Variants in MOGAT3 observed in about 807,000 individuals in gnomAD.
MOGAT3 encodes the protein 2-acylglycerol O-acyltransferase 3.
MOGAT3 carries 39 observed loss-of-function variants against 34.4 expected under a neutral mutation model. The ratio of observed to expected loss-of-function variants is 1.13; its 90% CI spans 0.88 to 1.48. The LOEUF (loss-of-function observed/expected upper bound fraction) is 1.48, where lower values mean the gene tolerates loss of function less well. Among genes scored for constraint, MOGAT3 ranks in the 40% most tolerant of loss-of-function variants. The pLI is 0.00. For missense variants in MOGAT3, 439 were observed against 438.9 expected (o/e 1.00, Z 0.00); for synonymous variants, 209 against 179.2 (o/e 1.17, Z -1.33).
intron 6 of MOGAT3, 25 bp from the exon 7 acceptor site, chr7:101,196,125 G>A: frequency 6.3e-7 from 1 of 1,590,402 alleles, no homozygotes; most frequent in Non-Finnish European, 8.6e-7. Context: ...AGACAGGTGG[G>A]CGAGGGATCC....
chr7:101,194,630 T>C (rs1451297761), downstream of MOGAT3, among the ~76,000 whole-genome samples: 1 of 150,538 alleles, frequency 6.6e-6, no homozygotes, highest in Non-Finnish European at 1.5e-5. Context: ...AACCTCTCAG[T>C]AGCTGGGACT....
chr7:101,198,067 G>A, intron 5 of MOGAT3, 124 bp downstream of exon 5: 2 of 1,118,384 alleles, frequency 1.8e-6, no homozygotes, highest in African/African-American at 1.6e-5. Context: ...GTGGGCCTCG[G>A]TGCAGGGCAG....
intron 3 of MOGAT3, 97 bp downstream of exon 3, chr7:101,200,137 G>C: frequency 1.0e-6 from 1 of 998,588 alleles, no homozygotes; most frequent in Non-Finnish European, 1.6e-6. Context: ...AGCTTAGGCA[G>C]CGGGGAGCTC....
chr7:101,198,378 G>A lies in MOGAT3; in HGVS notation c.494-13C>T, dbSNP rs1797857883. On this transcript the variant is annotated splice_polypyrimidine_tract_variant and intron_variant, in intron 4 of 6. Coordinates refer to ENST00000223114, the MANE Select transcript of MOGAT3 (RefSeq NM_178176.4). ...ACCGGACAGAGTCCTGTGGGCAGGAGGAGGTGGAAAGTAGTTCCCATCTGC... is the reference window on the plus strand; with the variant it reads ...ACCGGACAGAGTCCTGTGGGCAGGAAGAGGTGGAAAGTAGTTCCCATCTGC... 3 of 1,529,672 alleles carry A rather than the reference G, an allele frequency of 2.0e-6. No homozygotes were observed. The highest frequency in any genetic ancestry group is 2.6e-6 in the Non-Finnish European group (3 of 1,138,056). 94.8% of individuals were successfully genotyped at this position (1,529,672 alleles called of 1,614,324 possible). A position where few individuals can be genotyped will look rare whatever the true frequency, so the allele number is the denominator to read the frequency against.
At chr7:101,200,356 C>G (rs772583568) in intron 2 of MOGAT3, 52 bp from the exon 3 acceptor site, 3 of 1,606,974 alleles carry the variant, frequency 1.9e-6, no homozygotes, top group South Asian at 2.2e-5. Context: ...CCTCCCCTCA[C>G]CCCCCATGTC....
At chr7:101,196,504 T>C (rs958127096) in intron 5 of MOGAT3, 115 bp from the exon 6 acceptor site, 10 of 653,982 alleles carry the variant, frequency 1.5e-5, no homozygotes, top group Non-Finnish European at 2.1e-5. Flanking sequence ...CCCAGGGTCA[T>C]TCAAAGCACA....
Position 101,195,815 on chromosome 7 carries a change from A to T in MOGAT3, c.*131T>A, listed in dbSNP as rs1797760255. ...CGATCCTCCCACCTTGGCCTCCCAA[A>T]GTGCTGGGATTACAGGCATGAGGCA... On this transcript the variant is annotated 3_prime_UTR_variant, in exon 7 of 7. Coordinates refer to ENST00000223114, the MANE Select transcript of MOGAT3 (RefSeq NM_178176.4). 2.0e-6 allele frequency: 2 copies of T among 1,023,236 alleles called. No individual in the cohort carries two copies. The highest frequency in any genetic ancestry group is 2.9e-6 in the Non-Finnish European group (2 of 693,810). 63.4% of individuals were successfully genotyped at this position (1,023,236 alleles called of 1,614,324 possible).
At position 101,198,278 on chromosome 7, in the gene MOGAT3, G is replaced by A. The variant is rs759678400; in HGVS notation, c.581C>T (p.Ala194Val). ...GQAVVIMVGG[A>V]HEALYSVPGE... is the part of the protein sequence containing the mutation. ...GGGGACTGAATACAGGGCCTCGTGCGCACCCCCCACCATGATGACCACGGC... is the reference window on the plus strand; with the variant it reads ...GGGGACTGAATACAGGGCCTCGTGCACACCCCCCACCATGATGACCACGGC... Residue 194 changes from alanine (A) to valine (V), a missense_variant, in exon 5 of 7, where the codon GCG becomes GTG. Coordinates refer to ENST00000223114, the MANE Select transcript of MOGAT3 (RefSeq NM_178176.4). 1.2e-6 allele frequency: 2 copies of A among 1,609,806 alleles called. No homozygotes were observed. The highest frequency in any genetic ancestry group is 1.7e-6 in the Non-Finnish European group (2 of 1,177,658).
chr7:101,198,813 C>G lies in MOGAT3; in HGVS notation c.306G>C (p.Glu102Asp). The G allele has an allele frequency of 6.2e-7, 1 of 1,613,944 alleles. No homozygotes were observed. Among genetic ancestry groups the G allele is most frequent in the Non-Finnish European group, 8.5e-7 (1 of 1,179,998 alleles). Residue 102 changes from glutamate to aspartate, a missense_variant, in exon 4 of 7, where the codon GAG becomes GAC. Glu to Asp is a conservative substitution (Grantham distance 45, BLOSUM62 2). Coordinates refer to ENST00000223114, the MANE Select transcript of MOGAT3 (RefSeq NM_178176.4). ...GCACGTAGTTCCGATCCGGGGGCAG[C>G]TCTGCTGTTTTCACCAGCTTCGGGG... Reference protein sequence around the residue: ...YYPVKLVKTAELPPDRNYVLG... With the variant: ...YYPVKLVKTADLPPDRNYVLG...
chr7:101,200,672 G>A lies in MOGAT3; in HGVS notation c.109+74C>T. The A allele has an allele frequency of 2.1e-6, 3 of 1,398,834 alleles. No individual in the cohort carries two copies. In the South Asian group the frequency reaches 3.7e-5, roughly 17 times the overall value. The allele number at this position is 1,398,834 out of a possible 1,614,324, so 86.7% of individuals were successfully genotyped here. ...TCACTGTCCTCAGGCATGCAAGCCA[G>A]CAGCCCAGCCACTCTCCCTCCAAGC... is the stretch of plus-strand genomic sequence containing the variant. On this transcript the variant is annotated intron_variant, in intron 1 of 6. Coordinates refer to ENST00000223114, the MANE Select transcript of MOGAT3 (RefSeq NM_178176.4).
In MOGAT3 at chr7:101,198,805, G is replaced by A. The variant is rs778627905; in HGVS notation, c.314C>T (p.Pro105Leu). 4 of 1,613,786 alleles carry A rather than the reference G, an allele frequency of 2.5e-6. No homozygotes were observed. In the Admixed American group the frequency reaches 6.7e-5, roughly 27 times the overall value. Reference protein sequence around the residue: ...VKLVKTAELPPDRNYVLGAHP... With the variant: ...VKLVKTAELPLDRNYVLGAHP... ...GGCGCCCAGCACGTAGTTCCGATCC[G>A]GGGGCAGCTCTGCTGTTTTCACCAG... is the stretch of plus-strand genomic sequence containing the variant. Residue 105 changes from proline to leucine, a missense_variant, in exon 4 of 7, where the codon CCG (proline) becomes CTG (leucine). Coordinates refer to ENST00000223114, the MANE Select transcript of MOGAT3 (RefSeq NM_178176.4).
intron 5 of MOGAT3, among the ~76,000 whole-genome samples, chr7:101,197,747 A>G (rs1797832587): frequency 6.6e-6 from 1 of 152,108 alleles, no homozygotes; most frequent in African/African-American, 2.4e-5. Flanking sequence ...TAAAAATACA[A>G]AAATTAGCCC....
downstream of MOGAT3, among the ~76,000 whole-genome samples, chr7:101,194,167 G>T (rs1448027980): frequency 1.4e-5 from 2 of 146,092 alleles, no homozygotes; most frequent in Non-Finnish European, 3.0e-5. Context: ...CTAATTTCTA[G>T]AATTTTTTTT....
In MOGAT3 at chr7:101,198,340, G is replaced by A. The variant is rs1797856134; in HGVS notation, c.519C>T (p.Ser173=). The A allele has an allele frequency of 6.4e-7, 1 of 1,562,478 alleles. No homozygotes were observed. The highest frequency in any genetic ancestry group is 8.7e-7 in the Non-Finnish European group (1 of 1,151,774). The stretch of plus-strand genomic sequence containing the variant: ...GGGGCTGGGACAGGATGAAGTCCAG[G>A]CTCTGGCGGCTCACCGGACAGAGTC... ...SFGLCPVSRQ[S]LDFILSQPQL... is the part of the protein sequence containing the mutation. The change falls in exon 5 of 7, where the codon AGC becomes AGT. Residue 173 remains serine (S), a synonymous_variant. Transcript: ENST00000223114.
At chr7:101,199,374 A>G (rs543985814) in intron 3 of MOGAT3, among the ~76,000 whole-genome samples, 1 of 150,422 alleles carries the variant, frequency 6.6e-6, no homozygotes, top group South Asian at 2.1e-4. Context: ...GTGCAATGGC[A>G]TCATCTCAGC....
intron 5 of MOGAT3, among the ~76,000 whole-genome samples, chr7:101,197,622 G>C (rs957981659): frequency 6.6e-6 from 1 of 152,142 alleles, no homozygotes; most frequent in African/African-American, 2.4e-5. Flanking sequence ...AAGTCCGGCC[G>C]GGCACGGTGG....
intron 6 of MOGAT3, 42 bp downstream of exon 6, chr7:101,196,144 CA>C (rs778043183): frequency 1.7e-5 from 27 of 1,577,584 alleles, no homozygotes; most frequent in Non-Finnish European, 2.3e-5. Flanking sequence ...CCCTGATGCC[CA>C]CGCAGCTGCT....
At chr7:101,194,186 T>A (rs1398561372), downstream of MOGAT3, among the ~76,000 whole-genome samples, 1 of 151,910 alleles carries the variant, frequency 6.6e-6, no homozygotes, top group East Asian at 1.9e-4. Flanking sequence ...TTTTCATTTT[T>A]TTCATTTTTT....
Position 101,195,647 on chromosome 7 carries a change from G to C in MOGAT3, c.*299C>G. ...ACCTCCGCCTCCTGGGTTTAAGCAA[G>C]TCTCCTGCCTCAGCCTCCCAAATAG... On this transcript the variant is annotated 3_prime_UTR_variant, in exon 7 of 7. Coordinates refer to ENST00000223114, the MANE Select transcript of MOGAT3 (RefSeq NM_178176.4). 1 of 350,896 alleles carries C rather than the reference G, an allele frequency of 2.8e-6. No individual in the cohort carries two copies. Among genetic ancestry groups the C allele is most frequent in the South Asian group, 2.8e-5 (1 of 35,982 alleles). 21.7% of individuals were successfully genotyped at this position (350,896 alleles called of 1,614,324 possible). A position where few individuals can be genotyped will look rare whatever the true frequency, so the allele number is the denominator to read the frequency against.
Sources: gnomAD v4.1 joint callset for allele counts (sites outside exome capture counted in the v4.1 genomes callset) on GRCh38, gnomAD v4.1.1 for gene constraint, MANE v1.5 for transcripts, NCBI Gene and HGNC (gene_info 2026-07-23, HGNC 2026-07-21) for gene names.